The following PIR variants were observed in gnomAD, a reference collection of about 807,000 sequenced individuals.
The protein encoded by PIR is pirin (iron-binding nuclear protein).
PIR carries 22 observed loss-of-function variants against 24.2 expected under a neutral mutation model. That is an observed-to-expected ratio of 0.91 (90% CI 0.65 to 1.30). The LOEUF (loss-of-function observed/expected upper bound fraction) is 1.30, where lower values mean the gene tolerates loss of function less well. PIR is among the 50% of genes most tolerant of loss of function. PIR has a pLI of 0.00. For synonymous variants in PIR, 80 were observed against 79.6 expected (o/e 1.00, Z -0.03); for missense variants, 220 against 220.3 (o/e 1.00, Z 0.01).
At chrX:15,423,708 A>C (rs1925212452) in intron 6 of PIR, among the ~76,000 whole-genome samples, 1 of 112,088 alleles carries the variant, frequency 8.9e-6, no homozygotes, top group Non-Finnish European at 1.9e-5. Context: ...AGAATATATA[A>C]GGAGCTCAAC....
chrX:15,448,703 A>G (rs1926186907), intron 5 of PIR, among the ~76,000 whole-genome samples: 1 of 111,959 alleles, frequency 8.9e-6, no homozygotes, highest in Non-Finnish European at 1.9e-5. Flanking sequence ...AGCCTGCATC[A>G]GGATGCCTAA....
In PIR at chrX:15,387,073, C is replaced by CTTTTTTTTT. The variant is rs764572854; in HGVS notation, c.761-1966_761-1958dup. Among the ~76,000 whole-genome samples, 56 of 12,611 alleles carry CTTTTTTTTT rather than the reference C, an allele frequency of 4.4e-3. 2 individuals are homozygous for CTTTTTTTTT. The highest frequency in any genetic ancestry group is 7.1e-3 in the Non-Finnish European group (47 of 6,606). The allele number at this position is 12,611 out of a possible 115,157, so 11.0% of individuals were successfully genotyped here. A position where few individuals can be genotyped will look rare whatever the true frequency, so the allele number is the denominator to read the frequency against. On this transcript the variant is annotated intron_variant, in intron 9 of 9. Coordinates refer to ENST00000380420, the MANE Select transcript of PIR (RefSeq NM_001018109.3). ...TTTTGTTTTGTTTTTCTTTTCTTTT[C>CTTTTTTTTT]TTTTTTTTTTTTTTTTTTTTTTTTT...
At chrX:15,463,742 T>C (rs1921416300) in intron 3 of PIR, among the ~76,000 whole-genome samples, 1 of 112,134 alleles carries the variant, frequency 8.9e-6, no homozygotes, top group South Asian at 3.7e-4. Context: ...GTATGGGAAA[T>C]TAATATATGA....
intron 7 of PIR, among the ~76,000 whole-genome samples, chrX:15,404,163 C>A (rs902459765): frequency 3.2e-4 from 35 of 110,666 alleles, no homozygotes; most frequent in African/African-American, 8.2e-4. Context: ...CCACACCCGG[C>A]TAATTTTTGT....
chrX:15,411,925 T>C (rs73449349), intron 6 of PIR, among the ~76,000 whole-genome samples: 1 of 112,386 alleles, frequency 8.9e-6, no homozygotes, highest in East Asian at 2.8e-4. Flanking sequence ...TTAACATATA[T>C]GCTTTATCAT....
chrX:15,478,498 C>G (rs1444598400), intron 3 of PIR: 1 of 111,808 alleles, frequency 8.9e-6, no homozygotes, highest in Non-Finnish European at 1.9e-5. Context: ...GGGTCAGAAT[C>G]CAGTATGAGT....
intron 6 of PIR, among the ~76,000 whole-genome samples, chrX:15,418,504 G>A (rs1925001123): frequency 9.0e-6 from 1 of 111,600 alleles, no homozygotes; most frequent in South Asian, 3.7e-4. Context: ...AAAAACGTGT[G>A]GCCAATGTGA....
intron 6 of PIR, among the ~76,000 whole-genome samples, chrX:15,413,412 C>A (rs1398409571): frequency 9.0e-6 from 1 of 111,436 alleles, no homozygotes; most frequent in Non-Finnish European, 1.9e-5. Context: ...CCAAAACGTC[C>A]TCATCAAGAA....
chrX:15,424,708 A>G (rs1371565517), intron 6 of PIR, among the ~76,000 whole-genome samples: 4 of 112,345 alleles, frequency 3.6e-5, no homozygotes, highest in Non-Finnish European at 7.5e-5. Flanking sequence ...AAATTATTTA[A>G]AAATAGACCA....
rs1295061655 is a variant in PIR, at chrX:15,486,927, C to T, written c.96+4235G>A. On this transcript the variant is annotated intron_variant, in intron 2 of 9. Coordinates refer to ENST00000380420, the MANE Select transcript of PIR (RefSeq NM_001018109.3). ...TACACACAGTTGAACCTAATCCTAACTGATAAAAGGGCAATAATGTCTATG... is the reference window on the plus strand; with the variant it reads ...TACACACAGTTGAACCTAATCCTAATTGATAAAAGGGCAATAATGTCTATG... 2.7e-5 allele frequency among the ~76,000 whole-genome samples: 3 copies of T among 112,099 alleles called. No individual in the cohort carries two copies. In the East Asian group the frequency reaches 8.4e-4, roughly 31 times the overall value.
At chrX:15,427,218 A>G (rs1449172223) in intron 5 of PIR, among the ~76,000 whole-genome samples, 5 of 111,343 alleles carry the variant, frequency 4.5e-5, no homozygotes, top group Non-Finnish European at 3.8e-5. Flanking sequence ...TGGGAAGGTT[A>G]GCAAGTAGAA....
At chrX:15,402,932 T>C (rs930871641) in intron 7 of PIR, among the ~76,000 whole-genome samples, 1 of 112,350 alleles carries the variant, frequency 8.9e-6, no homozygotes, top group East Asian at 2.8e-4. Flanking sequence ...TTTCAATTAT[T>C]GGTGCAACTA....
chrX:15,415,493 A>C (rs1470350173), intron 6 of PIR, among the ~76,000 whole-genome samples: 1 of 112,153 alleles, frequency 8.9e-6, no homozygotes, highest in Non-Finnish European at 1.9e-5. Flanking sequence ...CCATACATGA[A>C]AACCAATTTC....
At chrX:15,389,572 A>G (rs1231976343) in intron 9 of PIR, among the ~76,000 whole-genome samples, 1 of 111,688 alleles carries the variant, frequency 9.0e-6, no homozygotes. Flanking sequence ...AATTGCTTTT[A>G]GATGTTCCTC....
At chrX:15,451,931 T>C (rs1256246653) in intron 5 of PIR, among the ~76,000 whole-genome samples, 1 of 111,968 alleles carries the variant, frequency 8.9e-6, no homozygotes, top group East Asian at 2.8e-4. Flanking sequence ...ACTTTACAAG[T>C]AATAGCCAAC....
intron 5 of PIR, among the ~76,000 whole-genome samples, chrX:15,427,399 T>C (rs1023941221): frequency 7.2e-5 from 8 of 111,029 alleles, no homozygotes; most frequent in East Asian, 2.8e-4. Flanking sequence ...ATTAAATACA[T>C]GCATTTTTAG....
intron 4 of PIR, among the ~76,000 whole-genome samples, chrX:15,457,501 G>A (rs776635146): frequency 1.8e-4 from 20 of 111,961 alleles, no homozygotes; most frequent in Non-Finnish European, 3.4e-4. Flanking sequence ...TTCGAAGAAT[G>A]ACAGGGTTCT....
intron 6 of PIR, among the ~76,000 whole-genome samples, chrX:15,413,010 T>G (rs1301893477): frequency 8.9e-6 from 1 of 112,116 alleles, no homozygotes; most frequent in Non-Finnish European, 1.9e-5. Flanking sequence ...ATGAACACAG[T>G]CTAATGAGGA....
At chrX:15,449,693 T>C (rs890906976) in intron 5 of PIR, among the ~76,000 whole-genome samples, 2 of 112,526 alleles carry the variant, frequency 1.8e-5, no homozygotes, top group African/African-American at 6.5e-5. Flanking sequence ...TTAGCTCTTT[T>C]ATATTTGTAT....
Sources: gnomAD v4.1 joint callset for allele counts (sites outside exome capture counted in the v4.1 genomes callset) on GRCh38, gnomAD v4.1.1 for gene constraint, MANE v1.5 for transcripts, NCBI Gene and HGNC (gene_info 2026-07-23, HGNC 2026-07-21) for gene names.